Variants in RFX3 observed in about 807,000 individuals in gnomAD.
RFX3 encodes the protein regulatory factor X3.
RFX3 carries 14 observed loss-of-function variants against 98.6 expected under a neutral mutation model. The observed-to-expected ratio is 0.14, with a 90% CI of 0.09 to 0.22. The LOEUF is 0.22. Among genes scored for constraint, RFX3 ranks in the 10% least tolerant of loss-of-function variants. The probability of loss-of-function intolerance (pLI) is 1.00; values close to 1 mark genes in which losing one functional copy is unlikely to be tolerated. For synonymous variants in RFX3, 383 were observed against 328.4 expected (o/e 1.17, Z -1.80); for missense variants, 639 against 926.9 (o/e 0.69, Z 4.03).
chr9:3,485,134 T>C (rs113855802), intron 1 of RFX3, among the ~76,000 whole-genome samples: 25 of 151,932 alleles, frequency 1.6e-4, no homozygotes, highest in South Asian at 2.1e-4. Context: ...ATTAAATTAA[T>C]AGTAAATACA....
chr9:3,416,360 G>C (rs1028974264), intron 1 of RFX3, among the ~76,000 whole-genome samples: 3 of 152,066 alleles, frequency 2.0e-5, no homozygotes, highest in African/African-American at 7.2e-5. Flanking sequence ...TTCAAATCCA[G>C]GTGTAACTGA....
chr9:3,279,077 G>C (rs1420126551), intron 7 of RFX3, among the ~76,000 whole-genome samples: 1 of 151,590 alleles, frequency 6.6e-6, no homozygotes, highest in Non-Finnish European at 1.5e-5. Flanking sequence ...ATGTTTTTCT[G>C]ATTTTTTTTT....
At chr9:3,389,052 T>C (rs1348380162) in intron 2 of RFX3, among the ~76,000 whole-genome samples, 1 of 152,094 alleles carries the variant, frequency 6.6e-6, no homozygotes, top group Non-Finnish European at 1.5e-5. Flanking sequence ...GCTTAGAAAT[T>C]ATCCTCAATG....
In RFX3 at chr9:3,296,809, T is replaced by C. The variant is rs989065451; in HGVS notation, c.550-3551A>G. 5.3e-5 allele frequency among the ~76,000 whole-genome samples: 8 copies of C among 152,168 alleles called. No homozygotes were observed. The East Asian group carries it at 1.5e-3, about 29-fold the overall frequency. On this transcript the variant is annotated intron_variant, in intron 5 of 16. Coordinates refer to ENST00000617270, the MANE Select transcript of RFX3 (RefSeq NM_001282116.2). ...CCCTGCAGGTCCCAGCTAGGAAGAC[T>C]GCCAAAAACTAACCCACCTCGGGCT...
At chr9:3,232,703 G>C (rs1818626071) in intron 15 of RFX3, among the ~76,000 whole-genome samples, 1 of 151,836 alleles carries the variant, frequency 6.6e-6, no homozygotes, top group Non-Finnish European at 1.5e-5. Flanking sequence ...GAGTTGATTA[G>C]TCTAATGTCA....
intron 16 of RFX3, among the ~76,000 whole-genome samples, chr9:3,227,102 G>C (rs1817871281): frequency 6.6e-6 from 1 of 152,114 alleles, no homozygotes; most frequent in South Asian, 2.1e-4. Context: ...CAGCAGGTGA[G>C]GACAAGTCAC....
At chr9:3,327,495 G>A (rs767014267) in intron 4 of RFX3, among the ~76,000 whole-genome samples, 5 of 151,644 alleles carry the variant, frequency 3.3e-5, no homozygotes, top group African/African-American at 9.7e-5. Flanking sequence ...GACAAGTACC[G>A]CACTATCAAT....
intron 4 of RFX3, among the ~76,000 whole-genome samples, chr9:3,318,378 G>A (rs1439609972): frequency 2.0e-5 from 3 of 152,196 alleles, no homozygotes; most frequent in East Asian, 3.9e-4. Context: ...GCTGTGGGGT[G>A]GAGGGAGCGG....
chr9:3,446,882 T>C (rs1192720421), intron 1 of RFX3, among the ~76,000 whole-genome samples: 1 of 152,056 alleles, frequency 6.6e-6, no homozygotes, highest in East Asian at 1.9e-4. Context: ...CTAATTCTTT[T>C]TAAAAAATCC....
intron 2 of RFX3, among the ~76,000 whole-genome samples, chr9:3,374,288 T>C (rs1196546015): frequency 6.6e-6 from 1 of 152,150 alleles, no homozygotes; most frequent in Non-Finnish European, 1.5e-5. Context: ...ATTTTAAAAA[T>C]AGAATTATCA....
chr9:3,430,354 T>A (rs1844538629), intron 1 of RFX3, among the ~76,000 whole-genome samples: 1 of 152,152 alleles, frequency 6.6e-6, no homozygotes, highest in East Asian at 1.9e-4. Flanking sequence ...CCCAGTTAGT[T>A]CCAGCTCTAC....
rs78138811 is a variant in RFX3 at position 3,400,878 on chromosome 9, C to T, written c.-8-5282G>A. ...AGGCACAAATGGATTAAATAACTTGCCAAAAGCCACACAACTAGTAAGAGA... is the reference window on the plus strand; with the variant it reads ...AGGCACAAATGGATTAAATAACTTGTCAAAAGCCACACAACTAGTAAGAGA... On this transcript the variant is annotated intron_variant, in intron 1 of 16. Coordinates refer to ENST00000617270, the MANE Select transcript of RFX3 (RefSeq NM_001282116.2). Among the ~76,000 whole-genome samples the T allele has an allele frequency of 4.0e-3, 615 of 152,196 alleles. 1 individual carries two copies. The highest frequency in any genetic ancestry group is 0.014 in the African/African-American group (582 of 41,518).
intron 1 of RFX3, among the ~76,000 whole-genome samples, chr9:3,519,816 ACT>A (rs556704530): frequency 4.4e-4 from 67 of 152,168 alleles, no homozygotes; most frequent in African/African-American, 1.5e-3. Flanking sequence ...CACTAAGAAC[ACT>A]CTGCATTTGA....
chr9:3,364,697 T>G (rs1330838876), intron 2 of RFX3: 1 of 157,444 alleles, frequency 6.4e-6, no homozygotes, highest in Non-Finnish European at 1.4e-5. Context: ...GACTTCAGGT[T>G]TGGATATCCC....
intron 14 of RFX3, 68 bp from the exon 15 acceptor site, chr9:3,248,253 T>A (rs1282300112): frequency 6.8e-7 from 1 of 1,479,238 alleles, no homozygotes; most frequent in South Asian, 1.4e-5. Flanking sequence ...TACCTATTTT[T>A]CCTCTTAAAA....
intron 2 of RFX3, among the ~76,000 whole-genome samples, chr9:3,391,438 A>C (rs774093352): frequency 6.6e-6 from 1 of 152,360 alleles, no homozygotes; most frequent in East Asian, 1.9e-4. Context: ...ACTGCGTGAA[A>C]TAAAACACTT....
rs186419600 is a variant in RFX3, at chr9:3,240,975, C to T, written c.1968+7057G>A. 2.0e-3 allele frequency among the ~76,000 whole-genome samples: 305 copies of T among 152,294 alleles called. 1 individual carries two copies. Among genetic ancestry groups the T allele is most frequent in the African/African-American group, 6.9e-3 (288 of 41,564 alleles). On this transcript the variant is annotated intron_variant, in intron 15 of 16. Transcript: ENST00000617270. Reference sequence around the variant, plus strand: ...ACTCTTTACTAAACAAATAACTTAGCGGTGGACTTTGCTGAAGAGGACTGT... The same window carrying T: ...ACTCTTTACTAAACAAATAACTTAGTGGTGGACTTTGCTGAAGAGGACTGT...
At chr9:3,435,102 C>T (rs1195176845) in intron 1 of RFX3, among the ~76,000 whole-genome samples, 1 of 151,734 alleles carries the variant, frequency 6.6e-6, no homozygotes. Flanking sequence ...GACTAGAAGT[C>T]AGGTCTGGGT....
chr9:3,494,870 CTCCAGGGGTCT>C, intron 1 of RFX3, among the ~76,000 whole-genome samples: 2 of 151,972 alleles, frequency 1.3e-5, no homozygotes, highest in South Asian at 4.1e-4. Flanking sequence ...GAAAAAGGGC[CTCCAGGGGTCT>C]TCCATTCACA....
Sources: gnomAD v4.1 joint callset for allele counts (sites outside exome capture counted in the v4.1 genomes callset) on GRCh38, gnomAD v4.1.1 for gene constraint, MANE v1.5 for transcripts, NCBI Gene and HGNC (gene_info 2026-07-23, HGNC 2026-07-21) for gene names.